The following RAPGEF5 variants were observed in gnomAD, a reference collection of about 807,000 sequenced individuals.
The protein encoded by RAPGEF5 is Rap guanine nucleotide exchange factor 5, also known as M-Ras-regulated GEF.
Under a neutral mutation model 125.2 loss-of-function variants are expected in RAPGEF5, and 65 were observed. The observed-to-expected ratio is 0.52, with a 90% confidence interval of 0.43 to 0.64. RAPGEF5 has a LOEUF of 0.64. Among genes scored for constraint, RAPGEF5 ranks in the 30% least tolerant of loss-of-function variants. The pLI is 0.00. For synonymous variants in RAPGEF5, 391 were observed against 385.9 expected (o/e 1.01, Z -0.16); for missense variants, 958 against 1,048.1 (o/e 0.91, Z 1.19).
intron 7 of RAPGEF5, among the ~76,000 whole-genome samples, chr7:22,231,427 C>A (rs978243729): frequency 2.5e-4 from 38 of 152,154 alleles, no homozygotes; most frequent in African/African-American, 9.2e-4. Flanking sequence ...CCTATCCAAG[C>A]CCTTATCACC....
intron 1 of RAPGEF5, among the ~76,000 whole-genome samples, chr7:22,353,769 T>C (rs143545006): frequency 0.013 from 2,008 of 152,310 alleles, 19 homozygotes; most frequent in Non-Finnish European, 0.02. Context: ...TTAACCAGTA[T>C]GCATGCTGAA....
intron 2 of RAPGEF5, 128 bp from the exon 3 acceptor site, chr7:22,315,604 AC>A: frequency 9.8e-6 from 6 of 615,266 alleles, no homozygotes; most frequent in Non-Finnish European, 1.2e-5. Flanking sequence ...TAAAATCATA[AC>A]CAAGTCCATA....
At chr7:22,148,654 T>C (rs972763895) in intron 18 of RAPGEF5, among the ~76,000 whole-genome samples, 6 of 152,212 alleles carry the variant, frequency 3.9e-5, no homozygotes, top group Admixed American at 6.5e-5. Flanking sequence ...CTGGCTTCTC[T>C]TGGAACATAT....
At chr7:22,296,038 T>C (rs922238787) in intron 5 of RAPGEF5, among the ~76,000 whole-genome samples, 5 of 150,118 alleles carry the variant, frequency 3.3e-5, no homozygotes. Context: ...AAGTGAGGGG[T>C]GGTGGAGGTG....
At chr7:22,162,778 GAC>G (rs1784048227) in intron 12 of RAPGEF5, among the ~76,000 whole-genome samples, 1 of 152,212 alleles carries the variant, frequency 6.6e-6, no homozygotes, top group Non-Finnish European at 1.5e-5. Context: ...CCATTTCACT[GAC>G]AGCTGCTGAC....
chr7:22,183,692 TG>T (rs1784745372), intron 11 of RAPGEF5, among the ~76,000 whole-genome samples: 1 of 152,212 alleles, frequency 6.6e-6, no homozygotes, highest in South Asian at 2.1e-4. Flanking sequence ...GCACTGAAAC[TG>T]ACTTCGAGGA....
intron 1 of RAPGEF5, among the ~76,000 whole-genome samples, chr7:22,327,135 C>A (rs1783829415): frequency 6.6e-6 from 1 of 152,094 alleles, no homozygotes; most frequent in South Asian, 2.1e-4. Context: ...ATGCTAAAGG[C>A]CAAATATACA....
intron 1 of RAPGEF5, among the ~76,000 whole-genome samples, chr7:22,322,058 C>A (rs932039918): frequency 6.6e-6 from 1 of 152,088 alleles, no homozygotes; most frequent in African/African-American, 2.4e-5. Flanking sequence ...TAACATGCTG[C>A]ACATTATTAA....
chr7:22,158,350 G>A (rs150407595), intron 14 of RAPGEF5, among the ~76,000 whole-genome samples: 1 of 152,172 alleles, frequency 6.6e-6, no homozygotes, highest in African/African-American at 2.4e-5. Flanking sequence ...GTGGAACTGG[G>A]AACACTCTGC....
At chr7:22,263,856 G>A (rs1259262104) in intron 7 of RAPGEF5, among the ~76,000 whole-genome samples, 1 of 151,972 alleles carries the variant, frequency 6.6e-6, no homozygotes, top group Non-Finnish European at 1.5e-5. Flanking sequence ...GAGTATTAGT[G>A]GTTAGATTGG....
rs183573986 is a variant in RAPGEF5 at position 22,118,786 on chromosome 7, A to C, written c.*3620T>G. On this transcript the variant is annotated 3_prime_UTR_variant, in exon 26 of 26. Transcript: ENST00000665637. The stretch of plus-strand genomic sequence containing the variant: ...ACAGTGTGATACGAATACAATAAAT[A>C]GACTATGCAAATAAATATTACTCTG... The C allele has an allele frequency of 6.6e-6, 1 of 152,616 alleles. No individual in the cohort carries two copies. The highest frequency in any genetic ancestry group is 2.4e-5 in the African/African-American group (1 of 41,450). 9.5% of individuals were successfully genotyped at this position (152,616 alleles called of 1,614,324 possible).
At chr7:22,306,367 T>C (rs1783342016) in intron 5 of RAPGEF5, among the ~76,000 whole-genome samples, 1 of 152,214 alleles carries the variant, frequency 6.6e-6, no homozygotes, top group Non-Finnish European at 1.5e-5. Context: ...TTGTATGTCT[T>C]TTTTTGAGAA....
At chr7:22,336,276 C>A (rs767833808) in intron 1 of RAPGEF5, among the ~76,000 whole-genome samples, 1 of 152,176 alleles carries the variant, frequency 6.6e-6, no homozygotes, top group Admixed American at 6.5e-5. Flanking sequence ...ATAGTCTCAC[C>A]TTTATTCTGC....
chr7:22,224,176 T>G (rs1256237141), intron 8 of RAPGEF5, among the ~76,000 whole-genome samples: 1 of 152,168 alleles, frequency 6.6e-6, no homozygotes, highest in African/African-American at 2.4e-5. Context: ...CCTTTTATGC[T>G]CCTAGCCATC....
chr7:22,302,935 A>G (rs1417608806), intron 5 of RAPGEF5, among the ~76,000 whole-genome samples: 1 of 152,102 alleles, frequency 6.6e-6, no homozygotes, highest in Non-Finnish European at 1.5e-5. Context: ...CACAGCATAA[A>G]TGTTAACTAT....
chr7:22,217,735 T>A (rs1785674715), intron 9 of RAPGEF5, among the ~76,000 whole-genome samples: 1 of 152,216 alleles, frequency 6.6e-6, no homozygotes, highest in Non-Finnish European at 1.5e-5. Flanking sequence ...AATTCCAATG[T>A]TTATTTACAC....
intron 1 of RAPGEF5, among the ~76,000 whole-genome samples, chr7:22,338,022 G>T (rs1286511772): frequency 6.6e-6 from 1 of 152,172 alleles, no homozygotes; most frequent in East Asian, 1.9e-4. Context: ...TTAATCTTTT[G>T]AGATCAAAGA....
intron 6 of RAPGEF5, among the ~76,000 whole-genome samples, chr7:22,289,234 C>T (rs1782872909): frequency 6.6e-6 from 1 of 152,172 alleles, no homozygotes; most frequent in Non-Finnish European, 1.5e-5. Context: ...GCTATAGGAA[C>T]CAAATCATAC....
intron 7 of RAPGEF5, among the ~76,000 whole-genome samples, chr7:22,231,772 G>A (rs1020454130): frequency 3.9e-5 from 6 of 152,098 alleles, no homozygotes; most frequent in Non-Finnish European, 5.9e-5. Flanking sequence ...AAATATTTAC[G>A]GAGCAGCTAT....
Sources: allele counts gnomAD v4.1 joint callset (sites outside exome capture counted in the v4.1 genomes callset), GRCh38; gene constraint gnomAD v4.1.1; transcripts MANE v1.5; gene names NCBI Gene and HGNC (gene_info 2026-07-23, HGNC 2026-07-21).